The following NDC1 variants were observed in gnomAD, a reference collection of about 807,000 sequenced individuals.
NDC1 encodes nucleoporin NDC1.
In NDC1, 24 loss-of-function variants were observed where a neutral mutation model predicts 89.8. The ratio of observed to expected loss-of-function variants is 0.27; its 90% CI spans 0.19 to 0.38. The LOEUF is 0.38. Ranked by LOEUF, NDC1 falls within the 10% of genes least tolerant of loss-of-function variation. The pLI is 1.00. For synonymous variants in NDC1, 296 were observed against 284.8 expected, an observed-to-expected ratio of 1.04 and a Z score of -0.39; for missense variants, 728 against 797.6, an observed-to-expected ratio of 0.91 and a Z score of 1.05.
chr1:53,778,332 T>C (rs1447827228), intron 16 of NDC1, among the ~76,000 whole-genome samples: 1 of 151,882 alleles, frequency 6.6e-6, no homozygotes, highest in African/African-American at 2.4e-5. Context: ...ATCTGAATTC[T>C]GAAATACATG....
chr1:53,828,119 G>C lies in NDC1; in HGVS notation c.335C>G (p.Pro112Arg). 6.2e-7 allele frequency: 1 copy of C among 1,614,112 alleles called. No individual in the cohort carries two copies. The highest frequency in any genetic ancestry group is 1.1e-5 in the South Asian group (1 of 91,080). ...AATAAATGAGTGCATGAGTTGCTGA[G>C]GATGAATGATCTTCCCTATCAGAGC... ...RLALIGKIIH[P>R]QQLMHSFIHA... The change falls in exon 4 of 18, where the codon CCT (proline) becomes CGT (arginine). Residue 112 changes from proline (P) to arginine (R), a missense_variant. Pro to Arg is a moderately radical substitution (Grantham distance 103). Coordinates refer to ENST00000371429, the MANE Select transcript of NDC1 (RefSeq NM_018087.5).
chr1:53,820,192 T>C (rs866741617), intron 5 of NDC1, among the ~76,000 whole-genome samples: 1 of 151,484 alleles, frequency 6.6e-6, no homozygotes, highest in African/African-American at 2.4e-5. Context: ...GAGGCAGAGG[T>C]TGCAGTAAGC....
Position 53,807,919 on chromosome 1 carries a change from G to C in NDC1, c.756-128C>G, listed in dbSNP as rs949989950. ...CAATGTTGACAGACTCCTCTCCTTCGATATCTTTATAAAGCTCTTTCCCTA... is the reference window on the plus strand; with the variant it reads ...CAATGTTGACAGACTCCTCTCCTTCCATATCTTTATAAAGCTCTTTCCCTA... On this transcript the variant is annotated intron_variant, in intron 7 of 17. Transcript: ENST00000371429. 3 of 842,990 alleles carry C rather than the reference G, an allele frequency of 3.6e-6. No homozygotes were observed. In the African/African-American group the frequency reaches 5.3e-5, roughly 15 times the overall value. 52.2% of individuals were successfully genotyped at this position (842,990 alleles called of 1,614,324 possible).
At chr1:53,828,534 T>C (rs1447971827) in intron 3 of NDC1, among the ~76,000 whole-genome samples, 1 of 152,104 alleles carries the variant, frequency 6.6e-6, no homozygotes, top group African/African-American at 2.4e-5. Context: ...TGTAATGGTC[T>C]TGCAGTGTGG....
intron 6 of NDC1, among the ~76,000 whole-genome samples, chr1:53,815,321 A>G (rs12747819): frequency 0.029 from 4,400 of 152,312 alleles, 97 homozygotes; most frequent in Middle Eastern, 0.044. Context: ...TAAATGTGAT[A>G]CACCACATAA....
chr1:53,793,360 A>T, intron 13 of NDC1, 81 bp from the exon 14 acceptor site: 1 of 1,137,378 alleles, frequency 8.8e-7, no homozygotes, highest in Non-Finnish European at 1.3e-6. Flanking sequence ...GTTCTTCCAG[A>T]CAGTAACTTA....
chr1:53,796,637 A>C, intron 13 of NDC1, 52 bp downstream of exon 13: 1 of 1,205,320 alleles, frequency 8.3e-7, no homozygotes, highest in Middle Eastern at 2.9e-4. Context: ...TGAGATCCTT[A>C]ATGTTCTCAA....
intron 16 of NDC1, among the ~76,000 whole-genome samples, chr1:53,773,448 TTTTA>T (rs1386902646): frequency 6.6e-6 from 1 of 152,186 alleles, no homozygotes; most frequent in Non-Finnish European, 1.5e-5. Context: ...CTTTTTTGTT[TTTTA>T]GTTTCTTCCA....
intron 7 of NDC1, 91 bp from the exon 8 acceptor site, chr1:53,807,882 A>G: frequency 1.7e-6 from 2 of 1,160,738 alleles, no homozygotes; most frequent in Non-Finnish European, 2.4e-6. Context: ...CACAAATATT[A>G]TGTCTAAATA....
intron 13 of NDC1, among the ~76,000 whole-genome samples, chr1:53,794,571 T>C (rs1557573695): frequency 1.3e-5 from 2 of 152,184 alleles, no homozygotes; most frequent in Non-Finnish European, 2.9e-5. Context: ...TTCTCCCATC[T>C]TAAAAAATAA....
intron 13 of NDC1, among the ~76,000 whole-genome samples, chr1:53,793,998 C>T (rs1352199020): frequency 6.6e-6 from 1 of 150,890 alleles, no homozygotes; most frequent in Non-Finnish European, 1.5e-5. Flanking sequence ...TTTTTTGAGA[C>T]AGGGTCTCAC....
chr1:53,793,535 C>T (rs1647592074), intron 13 of NDC1, among the ~76,000 whole-genome samples: 1 of 151,988 alleles, frequency 6.6e-6, no homozygotes, highest in African/African-American at 2.4e-5. Flanking sequence ...AGAGCCCTGA[C>T]ATAAAAAAAA....
chr1:53,820,254 CA>C (rs796929968), intron 5 of NDC1, among the ~76,000 whole-genome samples: 6 of 128,254 alleles, frequency 4.7e-5, no homozygotes, highest in South Asian at 5.0e-4. Context: ...GACTCTGTCT[CA>C]AAAAAAAAAC....
chr1:53,827,544 C>G (rs942410494), intron 4 of NDC1, among the ~76,000 whole-genome samples: 6 of 152,226 alleles, frequency 3.9e-5, no homozygotes, highest in Admixed American at 2.6e-4. Context: ...TAAAAGCACT[C>G]TATAAAAAGG....
At chr1:53,777,031 A>ATT (rs34532987) in intron 16 of NDC1, among the ~76,000 whole-genome samples, 32 of 147,376 alleles carry the variant, frequency 2.2e-4, no homozygotes, top group African/African-American at 4.2e-4. Flanking sequence ...ATTTTGTTGA[A>ATT]TTTTTTTTTT....
chr1:53,793,982 C>CTT (rs898852301), intron 13 of NDC1, among the ~76,000 whole-genome samples: 1 of 145,124 alleles, frequency 6.9e-6, no homozygotes, highest in Non-Finnish European at 1.5e-5. Flanking sequence ...AAAAAAAAAT[C>CTT]TTTTTTTTTT....
intron 15 of NDC1, among the ~76,000 whole-genome samples, chr1:53,788,403 C>A (rs1371862333): frequency 6.6e-6 from 1 of 151,672 alleles, no homozygotes; most frequent in Non-Finnish European, 1.5e-5. Context: ...TGAGACCAGC[C>A]TAGATAACCT....
rs1570245187 is a variant in NDC1, at chr1:53,835,607, C to T, written c.71G>A (p.Arg24Lys). The T allele has an allele frequency of 1.2e-6, 2 of 1,611,878 alleles. No homozygotes were observed. The highest frequency in any genetic ancestry group is 1.7e-6 in the Non-Finnish European group (2 of 1,179,228). ...RDILWRVLGWRIVASIVWSVL... is the reference protein window; with the variant it reads ...RDILWRVLGWKIVASIVWSVL... The stretch of plus-strand genomic sequence containing the variant: ...TGACCAAACAATACTTGCAACTATC[C>T]TCCAGCCCAAAACCTATAAACAAAA... The change falls in exon 2 of 18, where the codon AGG becomes AAG. Residue 24 changes from arginine (R) to lysine (K), a missense_variant. Physicochemically the swap from Arg to Lys is conservative, Grantham distance 26. Transcript: ENST00000371429.
At chr1:53,824,486 C>T (rs1162036024) in intron 5 of NDC1, among the ~76,000 whole-genome samples, 2 of 152,168 alleles carry the variant, frequency 1.3e-5, no homozygotes, top group Non-Finnish European at 2.9e-5. Flanking sequence ...TCCCTCCCCA[C>T]CAGACTGAGT....
Sources: allele counts gnomAD v4.1 joint callset (sites outside exome capture counted in the v4.1 genomes callset), GRCh38; gene constraint gnomAD v4.1.1; transcripts MANE v1.5; gene names NCBI Gene and HGNC (gene_info 2026-07-23, HGNC 2026-07-21).